Variants in SLC25A20 observed in about 807,000 individuals in gnomAD.
The protein encoded by SLC25A20 is solute carrier family 25 member 20.
A neutral mutation model predicts 39.7 loss-of-function variants in SLC25A20; 29 were observed. The observed-to-expected ratio is 0.73, with a 90% CI of 0.54 to 1.00. The LOEUF is 1.00. SLC25A20 is among the 50% of genes least tolerant of loss of function. The probability of loss-of-function intolerance (pLI) is 0.00; values close to 1 mark genes in which losing one functional copy is unlikely to be tolerated. For missense variants in SLC25A20, 333 were observed against 379.9 expected, an observed-to-expected ratio of 0.88 and a Z score of 1.03; for synonymous variants, 103 against 142.2, an observed-to-expected ratio of 0.72 and a Z score of 1.96.
intron 3 of SLC25A20, among the ~76,000 whole-genome samples, chr3:48,880,937 A>G (rs75646965): frequency 0.016 from 2,493 of 152,266 alleles, 34 homozygotes; most frequent in South Asian, 0.071. Flanking sequence ...AGTTACATTT[A>G]GCATTTCAAC....
Position 48,859,217 on chromosome 3 carries a change from C to A in SLC25A20, c.609-16G>T. ...CTCACTGACCCTGTATAACACCAAC[C>A]ACAGCCCCAGTTAGACAAAGGCTGT... On this transcript the variant is annotated splice_polypyrimidine_tract_variant and intron_variant, in intron 6 of 8. Coordinates refer to ENST00000319017, the MANE Select transcript of SLC25A20 (RefSeq NM_000387.6). 1 of 1,606,238 alleles carries A rather than the reference C, an allele frequency of 6.2e-7. No individual in the cohort carries two copies. The highest frequency in any genetic ancestry group is 1.3e-5 in the African/African-American group (1 of 74,902).
At chr3:48,869,936 AG>A (rs2083701762) in intron 4 of SLC25A20, among the ~76,000 whole-genome samples, 1 of 151,398 alleles carries the variant, frequency 6.6e-6, no homozygotes, top group African/African-American at 2.4e-5. Flanking sequence ...TGGGTAACAA[AG>A]GAAGAGCCTG....
chr3:48,873,344 C>T lies in SLC25A20; in HGVS notation c.417+6014G>A, dbSNP rs2083730939. On this transcript the variant is annotated intron_variant, in intron 4 of 8. Transcript: ENST00000319017. ...CCGGACTGGCGGCTGGGCGCAGTGGCTTATGCCTATAATCCCAGCACTTTG... is the reference window on the plus strand; with the variant it reads ...CCGGACTGGCGGCTGGGCGCAGTGGTTTATGCCTATAATCCCAGCACTTTG... Among the ~76,000 whole-genome samples the T allele has an allele frequency of 3.3e-5, 5 of 152,264 alleles. No homozygotes were observed. In the South Asian group the frequency reaches 1.0e-3, roughly 32 times the overall value.
At chr3:48,888,682 G>A (rs2083852285) in intron 2 of SLC25A20, among the ~76,000 whole-genome samples, 1 of 152,098 alleles carries the variant, frequency 6.6e-6, no homozygotes, top group Non-Finnish European at 1.5e-5. Context: ...CGCCAAGGCT[G>A]AGTCCATCAC....
chr3:48,895,281 T>G (rs1242560640), intron 1 of SLC25A20, among the ~76,000 whole-genome samples: 2 of 152,232 alleles, frequency 1.3e-5, no homozygotes, highest in African/African-American at 4.8e-5. Context: ...GTGCTGGGAT[T>G]ATAGGCGTGA....
In SLC25A20 at chr3:48,898,850, C is replaced by A; in HGVS notation, c.-56G>T. 2.0e-6 allele frequency: 3 copies of A among 1,513,168 alleles called. No individual in the cohort carries two copies. The highest frequency in any genetic ancestry group is 1.8e-6 in the Non-Finnish European group (2 of 1,112,900). 93.7% of individuals were successfully genotyped at this position (1,513,168 alleles called of 1,614,324 possible). On this transcript the variant is annotated 5_prime_UTR_variant, in exon 1 of 9. Coordinates refer to ENST00000319017, the MANE Select transcript of SLC25A20 (RefSeq NM_000387.6). ...TTCTCGGGCCGTCCTGGCTTCTCAG[C>A]CCCAGCTGCAGTGCCGGCGCCGCCG... is the stretch of plus-strand genomic sequence containing the variant.
At chr3:48,898,666 A>AGCCT (rs1196155137) in intron 1 of SLC25A20, 24 bp downstream of exon 1, 1 of 1,576,312 alleles carries the variant, frequency 6.3e-7, no homozygotes, top group Admixed American at 1.8e-5. Flanking sequence ...TCCTCCCCAA[A>AGCCT]GCCTGCGACC....
intron 1 of SLC25A20, among the ~76,000 whole-genome samples, chr3:48,893,398 T>C (rs148875999): frequency 6.6e-6 from 1 of 152,192 alleles, no homozygotes; most frequent in East Asian, 1.9e-4. Flanking sequence ...TGGCTGGGTG[T>C]GGTGGCTCAC....
intron 2 of SLC25A20, among the ~76,000 whole-genome samples, chr3:48,885,245 T>C (rs2083821491): frequency 6.6e-6 from 1 of 151,774 alleles, no homozygotes. Flanking sequence ...TACTCTACCC[T>C]GGGTGACAGA....
intron 4 of SLC25A20, among the ~76,000 whole-genome samples, chr3:48,872,189 G>A (rs186033806): frequency 6.6e-6 from 1 of 151,156 alleles, no homozygotes; most frequent in Non-Finnish European, 1.5e-5. Flanking sequence ...GGAGTGCAGT[G>A]GCACAATCTT....
Position 48,879,145 on chromosome 3 carries a change from C to G in SLC25A20, c.417+213G>C, listed in dbSNP as rs113681520. Among the ~76,000 whole-genome samples, 2,958 of 152,096 alleles carry G rather than the reference C, an allele frequency of 0.019. 89 individuals carry two copies. The highest frequency in any genetic ancestry group is 0.066 in the African/African-American group (2,752 of 41,472). On this transcript the variant is annotated intron_variant, in intron 4 of 8. Coordinates refer to ENST00000319017, the MANE Select transcript of SLC25A20 (RefSeq NM_000387.6). ...CTCGGCTCCCAAAGTGCTGGGATTA[C>G]AGGCGTAAACCACTGCACCTGGCCC...
At chr3:48,875,519 C>T (rs2083749311) in intron 4 of SLC25A20, among the ~76,000 whole-genome samples, 2 of 152,070 alleles carry the variant, frequency 1.3e-5, no homozygotes, top group South Asian at 4.1e-4. Context: ...AAGCAATTCT[C>T]GTGCCTCAGC....
At chr3:48,867,055 A>G (rs2083675937) in intron 4 of SLC25A20, among the ~76,000 whole-genome samples, 1 of 151,888 alleles carries the variant, frequency 6.6e-6, no homozygotes, top group South Asian at 2.1e-4. Context: ...TCGGCCACCC[A>G]AAGTGCTGGG....
intron 3 of SLC25A20, among the ~76,000 whole-genome samples, chr3:48,879,921 G>C (rs1462831671): frequency 1.3e-5 from 2 of 152,048 alleles, no homozygotes; most frequent in Non-Finnish European, 2.9e-5. Context: ...ACTTCCCCTG[G>C]ATTACCAAGG....
chr3:48,874,736 C>G (rs540369030), intron 4 of SLC25A20, among the ~76,000 whole-genome samples: 1 of 151,962 alleles, frequency 6.6e-6, no homozygotes, highest in African/African-American at 2.4e-5. Flanking sequence ...TGTGATAATA[C>G]GAATGAATCT....
At chr3:48,895,874 T>G (rs531493827) in intron 1 of SLC25A20, 51 of 453,106 alleles carry the variant, frequency 1.1e-4, no homozygotes, top group Non-Finnish European at 1.8e-4. Context: ...GTACAGTGGC[T>G]CACACCTATA....
In SLC25A20 at chr3:48,892,069, G is replaced by C. The variant is rs776288377; in HGVS notation, c.109C>G (p.Arg37Gly). The part of the protein sequence containing the change: ...VGHPLDTVKV[R>G]LQTQPPSLPG... ...AAACTCGGTGGCTGTGTCTGCAGTC[G>C]GACCTGAAAACAGAAGTTAAAATGC... The change falls in exon 2 of 9, where the codon CGA (arginine) becomes GGA (glycine). Residue 37 changes from arginine (R) to glycine (G), a missense_variant. Physicochemically the swap from Arg to Gly is moderately radical, Grantham distance 125. Transcript: ENST00000319017. 4 of 1,613,510 alleles carry C rather than the reference G, an allele frequency of 2.5e-6. No individual in the cohort carries two copies. Among genetic ancestry groups the C allele is most frequent in the Non-Finnish European group, 3.4e-6 (4 of 1,179,530 alleles).
intron 4 of SLC25A20, among the ~76,000 whole-genome samples, chr3:48,864,209 G>A (rs1218355565): frequency 5.3e-5 from 8 of 151,658 alleles, no homozygotes; most frequent in Non-Finnish European, 7.4e-5. Flanking sequence ...TTAGCTGGGC[G>A]TGGTGGCAGA....
chr3:48,882,663 G>A (rs1471164166), intron 3 of SLC25A20, among the ~76,000 whole-genome samples: 1 of 152,026 alleles, frequency 6.6e-6, no homozygotes, highest in Non-Finnish European at 1.5e-5. Context: ...TTCAAGACCA[G>A]CCTGGGCAAG....
Sources: allele counts gnomAD v4.1 joint callset (sites outside exome capture counted in the v4.1 genomes callset), GRCh38; gene constraint gnomAD v4.1.1; transcripts MANE v1.5; gene names NCBI Gene and HGNC (gene_info 2026-07-23, HGNC 2026-07-21).